Variants in STOM observed in about 807,000 individuals in gnomAD.
The protein encoded by STOM is erythrocyte band 7 integral membrane protein.
STOM carries 25 observed loss-of-function variants against 30.6 expected under a neutral mutation model. The observed-to-expected ratio is 0.82, with a 90% CI of 0.60 to 1.14. The LOEUF is 1.14. Ranked by LOEUF, STOM falls within the 50% of genes most tolerant of loss-of-function variation. The pLI is 0.00. For synonymous variants in STOM, 118 were observed against 130.8 expected (o/e 0.90, Z 0.67); for missense variants, 292 against 365.2 (o/e 0.80, Z 1.63).
At chr9:121,350,531 T>C (rs1016507303) in intron 4 of STOM, among the ~76,000 whole-genome samples, 1 of 152,222 alleles carries the variant, frequency 6.6e-6, no homozygotes, top group African/African-American at 2.4e-5. Flanking sequence ...TGAAATGTGG[T>C]CCTGAGAACA....
At chr9:121,358,453 G>C (rs2064418707) in intron 1 of STOM, among the ~76,000 whole-genome samples, 1 of 151,534 alleles carries the variant, frequency 6.6e-6, no homozygotes, top group South Asian at 2.1e-4. Flanking sequence ...AGGAAAGAAA[G>C]AAAGAAAGAA....
rs1254476794 is a variant in STOM, at chr9:121,339,465, A to G, written c.*1737T>C. On this transcript the variant is annotated 3_prime_UTR_variant, in exon 7 of 7. Transcript: ENST00000286713. ...AATAAACTCAGCTAGGAGCCAGGAT[A>G]CATGGTAGTTCAAGGCTTCCTAAAA... 1 of 1,094,190 alleles carries G rather than the reference A, an allele frequency of 9.1e-7. No individual in the cohort carries two copies. The highest frequency in any genetic ancestry group is 1.2e-6 in the Non-Finnish European group (1 of 866,714). The allele number at this position is 1,094,190 out of a possible 1,614,324, so 67.8% of individuals were successfully genotyped here. A position where few individuals can be genotyped will look rare whatever the true frequency, so the allele number is the denominator to read the frequency against.
intron 4 of STOM, among the ~76,000 whole-genome samples, 196 bp downstream of exon 4, chr9:121,353,024 C>T (rs2064352669): frequency 6.6e-6 from 1 of 152,082 alleles, no homozygotes; most frequent in African/African-American, 2.4e-5. Context: ...ACCCAGGCGG[C>T]GGAGGTTGCA....
intron 1 of STOM, chr9:121,366,296 AGT>A (rs2064502740): frequency 1.3e-5 from 13 of 969,348 alleles, no homozygotes; most frequent in Non-Finnish European, 1.6e-5. Flanking sequence ...TGTAGCAACA[AGT>A]GTGTGTCAAT....
rs941484219 is a variant in STOM, at chr9:121,370,129, T to C, written c.59A>G (p.Lys20Arg). The change falls in exon 1 of 7, where the codon AAG (lysine) becomes AGG (arginine). Residue 20 changes from lysine to arginine, a missense_variant and splice_region_variant. Transcript: ENST00000286713. ...SEAQRLPDSF[K>R]DSPSKGLGPC... ...GGGTCAGGGGACGCGGGACTCACCC[T>C]TGAAGGAGTCGGGGAGCCGCTGGGC... is the stretch of plus-strand genomic sequence containing the variant. The C allele has an allele frequency of 1.6e-5, 24 of 1,544,620 alleles. No homozygotes were observed. The highest frequency in any genetic ancestry group is 2.1e-5 in the Non-Finnish European group (24 of 1,146,486).
Position 121,349,281 on chromosome 9 carries a change from C to T in STOM, c.364G>A (p.Val122Ile). 3 of 1,614,140 alleles carry T rather than the reference C, an allele frequency of 1.9e-6. No homozygotes were observed. The highest frequency in any genetic ancestry group is 2.5e-6 in the Non-Finnish European group (3 of 1,180,012). Residue 122 changes from valine to isoleucine, a missense_variant, in exon 5 of 7, where the codon GTC (valine) becomes ATC (isoleucine). Val to Ile is a conservative substitution (Grantham distance 29, BLOSUM62 3). Transcript: ENST00000286713. ...DSVTISVDGV[V>I]YYRVQNATLA... is the part of the protein sequence containing the mutation. ...GTTGCATTCTGAACGCGGTAATAGACCACACCATCCACGCTAATTGTCACT... is the reference window on the plus strand; with the variant it reads ...GTTGCATTCTGAACGCGGTAATAGATCACACCATCCACGCTAATTGTCACT...
chr9:121,348,016 T>G lies in STOM; in HGVS notation c.659A>C (p.Lys220Thr). Residue 220 changes from lysine (K) to threonine (T), a missense_variant and splice_region_variant, in exon 6 of 7, where the codon AAG (lysine) becomes ACG (threonine). By Grantham distance (78) the Lys-to-Thr change is moderately conservative. Transcript: ENST00000286713. ...EAEASREARA[K>T]VIAAEGEMNA... ...AAACAAGTTTAAAAAAAAAGTTACCTTGGCGCGGGCCTCGCGGGACGCTTC... is the reference window on the plus strand; with the variant it reads ...AAACAAGTTTAAAAAAAAAGTTACCGTGGCGCGGGCCTCGCGGGACGCTTC... The G allele has an allele frequency of 6.2e-7, 1 of 1,604,706 alleles. No individual in the cohort carries two copies. The highest frequency in any genetic ancestry group is 1.1e-5 in the South Asian group (1 of 89,258).
intron 1 of STOM, among the ~76,000 whole-genome samples, chr9:121,369,371 C>T (rs775673276): frequency 6.6e-5 from 10 of 151,960 alleles, no homozygotes; most frequent in Non-Finnish European, 1.5e-4. Flanking sequence ...CTGAGAGGTC[C>T]ACCATCTCTC....
intron 1 of STOM, among the ~76,000 whole-genome samples, chr9:121,362,506 A>C (rs2064463178): frequency 6.6e-6 from 1 of 152,166 alleles, no homozygotes; most frequent in Non-Finnish European, 1.5e-5. Flanking sequence ...AAACTGCTGC[A>C]TTGAATATAT....
chr9:121,370,170 G>T lies in STOM; in HGVS notation c.18C>A (p.His6Gln). 6.5e-7 allele frequency: 1 copy of T among 1,548,168 alleles called. No homozygotes were observed. Residue 6 changes from histidine to glutamine, a missense_variant, in exon 1 of 7, where the codon CAC becomes CAA. Physicochemically the swap from His to Gln is conservative, Grantham distance 24. Transcript: ENST00000286713. MAEKR[H>Q]TRDSEAQRLP... ...GCCGCTGGGCTTCGGAGTCCCGTGT[G>T]TGCCGCTTCTCGGCCATGCTGCCCG...
intron 2 of STOM, among the ~76,000 whole-genome samples, chr9:121,355,678 T>A (rs2064382127): frequency 6.6e-6 from 1 of 152,176 alleles, no homozygotes; most frequent in Admixed American, 6.5e-5. Context: ...GTAGGTACTG[T>A]TACTTTCTCC....
intron 1 of STOM, among the ~76,000 whole-genome samples, chr9:121,367,438 A>C (rs1419427792): frequency 6.6e-6 from 1 of 152,226 alleles, no homozygotes; most frequent in East Asian, 1.9e-4. Flanking sequence ...TCCATAAGTT[A>C]ATTTATGACC....
intron 1 of STOM, among the ~76,000 whole-genome samples, chr9:121,361,381 T>C (rs1350740672): frequency 2.4e-3 from 6 of 2,538 alleles, no homozygotes; most frequent in Non-Finnish European, 3.7e-3. Context: ...ACTTGTGGAC[T>C]TTTTTTTTTT....
intron 1 of STOM, among the ~76,000 whole-genome samples, chr9:121,369,515 G>A (rs758619657): frequency 2.6e-4 from 40 of 152,084 alleles, no homozygotes; most frequent in Non-Finnish European, 4.9e-4. Flanking sequence ...TCCTGGCGAG[G>A]AACAAAAGCC....
chr9:121,345,829 G>A (rs1322964855), intron 6 of STOM, among the ~76,000 whole-genome samples: 1 of 152,184 alleles, frequency 6.6e-6, no homozygotes, highest in Non-Finnish European at 1.5e-5. Flanking sequence ...TACTAGAGGA[G>A]GCAATGAGGA....
rs1355244555 is a variant in STOM at position 121,340,149 on chromosome 9, A to G, written c.*1053T>C. ...TATATGAAAATAGGCAACAGTGAGA[A>G]AAAAGCACTTTTGTGACAAATATTT... On this transcript the variant is annotated 3_prime_UTR_variant, in exon 7 of 7. Transcript: ENST00000286713. 3.0e-6 allele frequency: 3 copies of G among 985,374 alleles called. No homozygotes were observed. The highest frequency in any genetic ancestry group is 3.5e-5 in the African/African-American group (2 of 57,260). The allele number at this position is 985,374 out of a possible 1,614,324, so 61.0% of individuals were successfully genotyped here. A position where few individuals can be genotyped will look rare whatever the true frequency, so the allele number is the denominator to read the frequency against.
chr9:121,356,282 C>A (rs2064389729), intron 1 of STOM, 126 bp from the exon 2 acceptor site: 1 of 689,258 alleles, frequency 1.5e-6, no homozygotes, highest in African/African-American at 1.8e-5. Flanking sequence ...CATGAATTTC[C>A]CCATCTAATC....
chr9:121,356,179 A>C (rs1372722810), intron 1 of STOM, 23 bp from the exon 2 acceptor site: 1 of 1,578,842 alleles, frequency 6.3e-7, no homozygotes, highest in Non-Finnish European at 8.7e-7. Context: ...AAAAATATAC[A>C]ACTCTCACAA....
chr9:121,366,201 G>T (rs2064501808), intron 1 of STOM: 1 of 985,184 alleles, frequency 1.0e-6, no homozygotes, highest in South Asian at 4.7e-5. Context: ...TATCTTCAAG[G>T]ATAATCTTCT....
Sources: allele counts gnomAD v4.1 joint callset (sites outside exome capture counted in the v4.1 genomes callset), GRCh38; gene constraint gnomAD v4.1.1; transcripts MANE v1.5; gene names NCBI Gene and HGNC (gene_info 2026-07-23, HGNC 2026-07-21).